The following CELSR1 variants were observed in gnomAD, a reference collection of about 807,000 sequenced individuals.
CELSR1 encodes the protein adhesion G protein-coupled receptor C1.
CELSR1 carries 110 observed loss-of-function variants against 249.1 expected under a neutral mutation model. That is an observed-to-expected ratio of 0.44 (90% CI 0.38 to 0.52). CELSR1 has a LOEUF of 0.52. Among genes scored for constraint, CELSR1 ranks in the 20% least tolerant of loss-of-function variants. CELSR1 has a pLI of 0.00. For synonymous variants in CELSR1, 2,113 were observed against 1,900.0 expected (o/e 1.11, Z -2.92); for missense variants, 4,109 against 4,296.4 (o/e 0.96, Z 1.22).
At position 46,454,713 on chromosome 22, in the gene CELSR1, A is replaced by G. The variant is rs941794056; in HGVS notation, c.4183+8994T>C. Among the ~76,000 whole-genome samples, 4 of 152,262 alleles carry G rather than the reference A, an allele frequency of 2.6e-5. No homozygotes were observed. The highest frequency in any genetic ancestry group is 6.5e-5 in the Admixed American group (1 of 15,290). ...CTCTGCTCCTGCGCTTAGCGTTCGC[A>G]AAGGTAAACACATCGCAGAAACCTG... On this transcript the variant is annotated intron_variant, in intron 2 of 34. Transcript: ENST00000674500. The surrounding 1 kb of genome is among the most constrained non-coding windows in gnomAD (Gnocchi z 5.1).
At chr22:46,386,124 C>T (rs530566611) in intron 19 of CELSR1, among the ~76,000 whole-genome samples, 3 of 152,150 alleles carry the variant, frequency 2.0e-5, no homozygotes, top group Non-Finnish European at 2.9e-5. Flanking sequence ...CATGCACCAC[C>T]ACACCTGGCT....
rs572629722 is a variant in CELSR1, at chr22:46,422,902, T to C, written c.4611+10491A>G. On this transcript the variant is annotated intron_variant, in intron 5 of 34. Transcript: ENST00000674500. ...AACACGAAATCCACCTCACTTTGCA[T>C]TCTTCTTCCCATTGGTATCCACCTT... Among the ~76,000 whole-genome samples the C allele has an allele frequency of 3.3e-5, 5 of 152,304 alleles. No individual in the cohort carries two copies. The East Asian group carries it at 9.6e-4, about 29-fold the overall frequency.
At position 46,365,674 on chromosome 22, in the gene CELSR1, C is replaced by T; in HGVS notation, c.8316G>A (p.Gln2772=). The part of the protein sequence containing the change: ...LDSIVRDEGI[Q]KLGVSSGLVR... ...CCAGCCCAGAGGACACGCCGAGCTT[C>T]TGGATCCCTTCATCCCTAGAGAGGC... Residue 2772 remains glutamine (Q), a synonymous_variant, in exon 31 of 35, where the codon CAG becomes CAA. Transcript: ENST00000674500. 6.3e-7 allele frequency: 1 copy of T among 1,578,324 alleles called. No individual in the cohort carries two copies. The highest frequency in any genetic ancestry group is 8.6e-7 in the Non-Finnish European group (1 of 1,162,188).
chr22:46,384,798 A>G, intron 19 of CELSR1, 112 bp from the exon 20 acceptor site: 1 of 1,228,450 alleles, frequency 8.1e-7, no homozygotes, highest in South Asian at 1.8e-5. Flanking sequence ...ATATTTATTT[A>G]TTTATTTTTG....
chr22:46,376,547 G>T (rs1040251109), intron 24 of CELSR1, among the ~76,000 whole-genome samples: 1 of 152,036 alleles, frequency 6.6e-6, no homozygotes, highest in African/African-American at 2.4e-5. Flanking sequence ...GCTAATTTTT[G>T]TATTTTTAGT....
chr22:46,505,058 C>T (rs1288370105), intron 1 of CELSR1, among the ~76,000 whole-genome samples: 3 of 151,668 alleles, frequency 2.0e-5, no homozygotes, highest in Non-Finnish European at 2.9e-5. Context: ...GTCAGGAGAT[C>T]GAGACCATCC....
intron 1 of CELSR1, among the ~76,000 whole-genome samples, chr22:46,465,773 C>A (rs1399768486): frequency 6.6e-6 from 1 of 152,232 alleles, no homozygotes; most frequent in African/African-American, 2.4e-5. Context: ...GACCCAAGAT[C>A]CCAAGAGATT....
chr22:46,372,186 A>G (rs767270371), intron 25 of CELSR1, among the ~76,000 whole-genome samples: 1 of 136,016 alleles, frequency 7.4e-6, no homozygotes, highest in Non-Finnish European at 1.6e-5. Flanking sequence ...TCACCCATCC[A>G]TCTACTCACT....
chr22:46,442,973 C>T (rs1258710138), intron 2 of CELSR1, among the ~76,000 whole-genome samples: 2 of 152,068 alleles, frequency 1.3e-5, no homozygotes, highest in Non-Finnish European at 2.9e-5. Context: ...TGGCGGGCGC[C>T]TGTAGTCCCA....
Position 46,365,302 on chromosome 22 carries a change from C to G in CELSR1, c.8483G>C (p.Ser2828Thr), listed in dbSNP as rs757014797. 3 of 1,612,998 alleles carry G rather than the reference C, an allele frequency of 1.9e-6. No homozygotes were observed. The highest frequency in any genetic ancestry group is 2.5e-6 in the Non-Finnish European group (3 of 1,179,972). ...CTCAGCTCCCACCCCATCGTCCTCGCTGTCTGACGAGTGTGAGGAGGCGTA... is the reference window on the plus strand; with the variant it reads ...CTCAGCTCCCACCCCATCGTCCTCGGTGTCTGACGAGTGTGAGGAGGCGTA... ...SSYASSHSSD[S>T]EDDGVGAEEK... Residue 2828 changes from serine to threonine, a missense_variant, in exon 32 of 35, where the codon AGC (serine) becomes ACC (threonine). Ser to Thr is a moderately conservative substitution (Grantham distance 58). Around this residue, in one of 7 missense-constraint regions of CELSR1, gnomAD observed 1,805 missense variants for 1,831.6 expected, o/e 0.99. Coordinates refer to ENST00000674500, the MANE Select transcript of CELSR1 (RefSeq NM_001378328.1).
At position 46,472,476 on chromosome 22, in the gene CELSR1, C is replaced by T. The variant is rs543671690; in HGVS notation, c.3545-8131G>A. Among the ~76,000 whole-genome samples, 12 of 152,152 alleles carry T rather than the reference C, an allele frequency of 7.9e-5. No homozygotes were observed. The highest frequency in any genetic ancestry group is 2.2e-4 in the African/African-American group (9 of 41,500). On this transcript the variant is annotated intron_variant, in intron 1 of 34. Transcript: ENST00000674500. This position sits in a 1 kb window ranked among gnomAD's most constrained non-coding sequence, Gnocchi z 7.0. The stretch of plus-strand genomic sequence containing the variant: ...ATTGGCGGCTGTGGGTGAAGAGCAG[C>T]GCAGCTGATGCTGGACGGCCCCGGG...
chr22:46,419,930 C>G (rs2079446671), intron 5 of CELSR1, among the ~76,000 whole-genome samples: 1 of 152,006 alleles, frequency 6.6e-6, no homozygotes, highest in African/African-American at 2.4e-5. Context: ...CACACGTACA[C>G]TTACCCAAAC....
Position 46,436,386 on chromosome 22 carries a change from G to T in CELSR1, c.4407-97C>A. ...TCCAGCCGGAGGAGGGCAAGCACGTGGGGCTACGATTCAGGAAAGAATGGT... is the reference window on the plus strand; with the variant it reads ...TCCAGCCGGAGGAGGGCAAGCACGTTGGGCTACGATTCAGGAAAGAATGGT... On this transcript the variant is annotated intron_variant, in intron 3 of 34. Coordinates refer to ENST00000674500, the MANE Select transcript of CELSR1 (RefSeq NM_001378328.1). The surrounding 1 kb of genome is among the most constrained non-coding windows in gnomAD (Gnocchi z 5.9). The T allele has an allele frequency of 1.3e-6, 1 of 779,712 alleles. No individual in the cohort carries two copies. Among genetic ancestry groups the T allele is most frequent in the East Asian group, 2.6e-5 (1 of 37,834 alleles). The allele number at this position is 779,712 out of a possible 1,614,324, so 48.3% of individuals were successfully genotyped here.
intron 22 of CELSR1, among the ~76,000 whole-genome samples, chr22:46,379,088 C>A (rs1291879027): frequency 6.6e-6 from 1 of 152,250 alleles, no homozygotes; most frequent in African/African-American, 2.4e-5. Context: ...CTCGCGTCCG[C>A]CCCGCTGCTG....
intron 1 of CELSR1, among the ~76,000 whole-genome samples, chr22:46,478,700 G>A (rs1270780922): frequency 1.5e-5 from 2 of 137,304 alleles, no homozygotes; most frequent in Non-Finnish European, 3.1e-5. Context: ...GTGCCACCAT[G>A]CCCAGCTAAA....
chr22:46,410,641 G>C lies in CELSR1; in HGVS notation c.4770-80C>G, dbSNP rs1000230838. On this transcript the variant is annotated intron_variant, in intron 6 of 34. Transcript: ENST00000674500. The surrounding 1 kb of genome is among the most constrained non-coding windows in gnomAD (Gnocchi z 6.8). The stretch of plus-strand genomic sequence containing the variant: ...CGGGCTGGGCTCCGCAGTTGCCTCT[G>C]TGTAGCCTCTACCACCATAACTACT... 1.8e-4 allele frequency: 264 copies of C among 1,450,018 alleles called. 1 individual carries two copies. The highest frequency in any genetic ancestry group is 4.0e-5 in the Non-Finnish European group (42 of 1,047,966). The allele number at this position is 1,450,018 out of a possible 1,614,324, so 89.8% of individuals were successfully genotyped here. A position where few individuals can be genotyped will look rare whatever the true frequency, so the allele number is the denominator to read the frequency against.
At chr22:46,450,330 G>A (rs554761858) in intron 2 of CELSR1, among the ~76,000 whole-genome samples, 3 of 152,264 alleles carry the variant, frequency 2.0e-5, no homozygotes, top group Admixed American at 2.0e-4. Context: ...CTGACATAGA[G>A]ATGGAGGGAC....
chr22:46,394,784 T>C (rs770545430), intron 13 of CELSR1, among the ~76,000 whole-genome samples: 2 of 152,286 alleles, frequency 1.3e-5, no homozygotes, highest in Admixed American at 1.3e-4. Flanking sequence ...GACGGCGGCA[T>C]GCGCCCGTGC....
intron 5 of CELSR1, among the ~76,000 whole-genome samples, chr22:46,415,516 A>G (rs2079389550): frequency 6.6e-6 from 1 of 152,134 alleles, no homozygotes; most frequent in South Asian, 2.1e-4. Context: ...TGGCATGAAA[A>G]CATTTTAGAT....
Sources: allele counts gnomAD v4.1 joint callset (sites outside exome capture counted in the v4.1 genomes callset), GRCh38; gene constraint gnomAD v4.1.1; regional missense constraint gnomAD v4.1.1; non-coding constraint Gnocchi (gnomAD v3.1); transcripts MANE v1.5; gene names NCBI Gene and HGNC (gene_info 2026-07-23, HGNC 2026-07-21).